The following TUT7 variants were observed in gnomAD, a reference collection of about 807,000 sequenced individuals.
TUT7 encodes terminal uridylyltransferase 7.
Under a neutral mutation model 165.9 loss-of-function variants are expected in TUT7, and 33 were observed. That is an observed-to-expected ratio of 0.20 (90% CI 0.15 to 0.27). The LOEUF (loss-of-function observed/expected upper bound fraction) is 0.27. Among genes scored for constraint, TUT7 ranks in the 10% least tolerant of loss-of-function variants. The pLI is 1.00. For synonymous variants in TUT7, 552 were observed against 608.1 expected (o/e 0.91, Z 1.36); for missense variants, 1,338 against 1,762.3 (o/e 0.76, Z 4.31).
At chr9:86,322,534 T>C in intron 13 of TUT7, 59 bp from the exon 14 acceptor site, 1 of 1,549,620 alleles carries the variant, frequency 6.5e-7, no homozygotes, top group South Asian at 1.2e-5. Flanking sequence ...AATAAAGGAG[T>C]CTGGAATCAT....
At position 86,323,650 on chromosome 9, in the gene TUT7, A is replaced by C. The variant is rs1181720355; in HGVS notation, c.2100T>G (p.Thr700=). 1 of 1,614,226 alleles carries C rather than the reference A, an allele frequency of 6.2e-7. No homozygotes were observed. Among genetic ancestry groups the C allele is most frequent in the Non-Finnish European group, 8.5e-7 (1 of 1,180,044 alleles). The change falls in exon 13 of 27, where the codon ACT becomes ACG. Residue 700 remains threonine, a synonymous_variant. Transcript: ENST00000375963. ...TTGGTGGGCTTCCAAAACTTTCAGCAGTCTCTTTAAGAGTAAGTGGCTGTA... is the reference window on the plus strand; with the variant it reads ...TTGGTGGGCTTCCAAAACTTTCAGCCGTCTCTTTAAGAGTAAGTGGCTGTA... The part of the protein sequence containing the change: ...CKVQPLTLKE[T]AESFGSPPKE...
Position 86,301,612 on chromosome 9 carries a change from T to C in TUT7, c.4095-11A>G, listed in dbSNP as rs749872005. ...CGCCGCCGTCTTACTCTGTAGAAGA[T>C]ATCATATTAGTAGCAAAAATCTAAA... is the stretch of plus-strand genomic sequence containing the variant. On this transcript the variant is annotated splice_polypyrimidine_tract_variant and intron_variant, in intron 25 of 26. Coordinates refer to ENST00000375963, the MANE Select transcript of TUT7 (RefSeq NM_024617.4). 3 of 1,593,782 alleles carry C rather than the reference T, an allele frequency of 1.9e-6. No homozygotes were observed. The highest frequency in any genetic ancestry group is 2.2e-5 in the East Asian group (1 of 44,772).
chr9:86,297,851 G>A (rs546615087), intron 26 of TUT7, among the ~76,000 whole-genome samples: 19 of 149,778 alleles, frequency 1.3e-4, no homozygotes, highest in African/African-American at 3.7e-4. Context: ...TGCTGAAGGC[G>A]CTTCATAACC....
At position 86,302,845 on chromosome 9, in the gene TUT7, G is replaced by A. The variant is rs543603779; in HGVS notation, c.4094+241C>T. The stretch of plus-strand genomic sequence containing the variant: ...GCTGGTCTTGAACTCCTGACCTCAG[G>A]TGATCCACTCGCCTTGGCCTCCCAA... On this transcript the variant is annotated intron_variant, in intron 25 of 26. Transcript: ENST00000375963. Among the ~76,000 whole-genome samples, 97 of 152,226 alleles carry A rather than the reference G, an allele frequency of 6.4e-4. 1 individual carries two copies. Among genetic ancestry groups the A allele is most frequent in the South Asian group, 2.3e-3 (11 of 4,832 alleles).
chr9:86,352,653 G>A, intron 2 of TUT7, 27 bp downstream of exon 2: 1 of 1,613,440 alleles, frequency 6.2e-7, no homozygotes, highest in Non-Finnish European at 8.5e-7. Flanking sequence ...CTCTGGGGTT[G>A]TGATCTGACA....
chr9:86,306,340 G>A (rs776237999), intron 22 of TUT7, among the ~76,000 whole-genome samples: 1 of 152,140 alleles, frequency 6.6e-6, no homozygotes, highest in Admixed American at 6.5e-5. Flanking sequence ...TCAGTTTATC[G>A]AAGTATAGGA....
intron 17 of TUT7, among the ~76,000 whole-genome samples, chr9:86,314,931 G>C (rs1828558698): frequency 1.3e-5 from 2 of 152,028 alleles, no homozygotes; most frequent in South Asian, 4.2e-4. Flanking sequence ...TTTTCAAATC[G>C]TGTTCACCAT....
chr9:86,323,517 C>T lies in TUT7; in HGVS notation c.2233G>A (p.Glu745Lys), dbSNP rs762371432. The T allele has an allele frequency of 8.7e-6, 14 of 1,614,074 alleles. No individual in the cohort carries two copies. The highest frequency in any genetic ancestry group is 7.6e-6 in the Non-Finnish European group (9 of 1,180,032). ...DYKGDKVYHP[E>K]TGRKNEKEKV... ...TCTTTCTCGTTTTTCCTTCCTGTTT[C>T]TGGATGGTATACTTTATCACCCTTG... The change falls in exon 13 of 27, where the codon GAA (glutamate) becomes AAA (lysine). Residue 745 changes from glutamate (E) to lysine (K), a missense_variant. By Grantham distance (56) the Glu-to-Lys change is moderately conservative. Around this residue, in one of 7 missense-constraint regions of TUT7, gnomAD observed 425 missense variants for 474.9 expected, o/e 0.89. Coordinates refer to ENST00000375963, the MANE Select transcript of TUT7 (RefSeq NM_024617.4).
In TUT7 at chr9:86,345,650, T is replaced by C; in HGVS notation, c.819+19A>G. 6.4e-7 allele frequency: 1 copy of C among 1,553,284 alleles called. No homozygotes were observed. Among genetic ancestry groups the C allele is most frequent in the Non-Finnish European group, 8.9e-7 (1 of 1,126,958 alleles). Reference sequence around the variant, plus strand: ...CAACTAACAAGTAAGCAGACTTGTTTGGGTTACATTCAATTTACCTTAATG... The same window carrying C: ...CAACTAACAAGTAAGCAGACTTGTTCGGGTTACATTCAATTTACCTTAATG... On this transcript the variant is annotated intron_variant, in intron 4 of 26. Coordinates refer to ENST00000375963, the MANE Select transcript of TUT7 (RefSeq NM_024617.4).
In TUT7 at chr9:86,352,934, C is replaced by G; in HGVS notation, c.266G>C (p.Trp89Ser). The G allele has an allele frequency of 6.2e-7, 1 of 1,614,196 alleles. No individual in the cohort carries two copies. The highest frequency in any genetic ancestry group is 8.5e-7 in the Non-Finnish European group (1 of 1,180,046). Residue 89 changes from tryptophan (W) to serine (S), a missense_variant, in exon 2 of 27, where the codon TGG (tryptophan) becomes TCG (serine). Transcript: ENST00000375963. ...FKNPIYSQPA[W>S]MNDSHKDQSK... Reference sequence around the variant, plus strand: ...CTGATCTTTGTGGCTGTCATTCATCCAAGCGGGTTGACTGTAGATTGGGTT... The same window carrying G: ...CTGATCTTTGTGGCTGTCATTCATCGAAGCGGGTTGACTGTAGATTGGGTT...
intron 2 of TUT7, among the ~76,000 whole-genome samples, chr9:86,347,450 A>G (rs1347072693): frequency 6.6e-6 from 1 of 152,210 alleles, no homozygotes; most frequent in Non-Finnish European, 1.5e-5. Context: ...CCTACTGAAA[A>G]GCCCTACATG....
chr9:86,290,094 C>G (rs1330492181), intron 26 of TUT7, among the ~76,000 whole-genome samples: 2 of 152,094 alleles, frequency 1.3e-5, no homozygotes, highest in Non-Finnish European at 2.9e-5. Flanking sequence ...TACCTGCCCC[C>G]TTGAAGTTAT....
intron 4 of TUT7, 40 bp downstream of exon 4, chr9:86,345,629 T>C (rs1831688384): frequency 7.1e-7 from 1 of 1,404,198 alleles, no homozygotes; most frequent in South Asian, 1.2e-5. Flanking sequence ...TAATAACAAC[T>C]AACAAGTAAG....
chr9:86,312,920 G>A (rs895681489), intron 17 of TUT7, among the ~76,000 whole-genome samples: 1 of 151,804 alleles, frequency 6.6e-6, no homozygotes, highest in Non-Finnish European at 1.5e-5. Context: ...CAGCATGCTC[G>A]TTAAGAGTCA....
chr9:86,324,166 G>A (rs957765016), intron 12 of TUT7, among the ~76,000 whole-genome samples: 36 of 152,032 alleles, frequency 2.4e-4, no homozygotes, highest in African/African-American at 8.0e-4. Context: ...CTGAAACATC[G>A]GCTCTATGAA....
intron 2 of TUT7, among the ~76,000 whole-genome samples, chr9:86,350,788 ATTCTGT>A (rs1343166856): frequency 1.8e-4 from 27 of 152,204 alleles, no homozygotes; most frequent in Non-Finnish European, 3.5e-4. Flanking sequence ...ATAACACTTC[ATTCTGT>A]TTCTGCTACT....
At chr9:86,313,352 C>A (rs190880290) in intron 17 of TUT7, among the ~76,000 whole-genome samples, 103 of 152,090 alleles carry the variant, frequency 6.8e-4, no homozygotes, top group African/African-American at 2.4e-3. Flanking sequence ...TGGGAATACA[C>A]AGAAGAAGCA....
At position 86,319,602 on chromosome 9, in the gene TUT7, T is replaced by C. The variant is rs771769574; in HGVS notation, c.3097A>G (p.Ile1033Val). 10 of 1,605,228 alleles carry C rather than the reference T, an allele frequency of 6.2e-6. No homozygotes were observed. In the African/African-American group the frequency reaches 6.7e-5, roughly 11 times the overall value. The change falls in exon 15 of 27, where the codon ATA becomes GTA. Residue 1033 changes from isoleucine to valine, a missense_variant. Transcript: ENST00000375963. ...CATTTACCTGGAAAGTCCTGTCTTA[T>C]GAAACTTTCTAGGTTTTGCCGAATA... ...EHIRQNLESF[I>V]RQDFPGTKLS...
At chr9:86,321,353 T>C (rs1829277600) in intron 14 of TUT7, among the ~76,000 whole-genome samples, 1 of 151,486 alleles carries the variant, frequency 6.6e-6, no homozygotes, top group Non-Finnish European at 1.5e-5. Flanking sequence ...CTAGACTTTG[T>C]CTCAAAAAAA....
Sources: allele counts gnomAD v4.1 joint callset (sites outside exome capture counted in the v4.1 genomes callset), GRCh38; gene constraint gnomAD v4.1.1; regional missense constraint gnomAD v4.1.1; transcripts MANE v1.5; gene names NCBI Gene and HGNC (gene_info 2026-07-23, HGNC 2026-07-21).